Variants in PRKCA observed in about 807,000 individuals in gnomAD.
The protein encoded by PRKCA is protein kinase C alpha.
In PRKCA, 27 loss-of-function variants were observed where a neutral mutation model predicts 87.0. The observed-to-expected ratio is 0.31, with a 90% CI of 0.23 to 0.43. PRKCA has a LOEUF of 0.43. PRKCA is among the 20% of genes least tolerant of loss of function. The pLI, the probability that PRKCA is intolerant of heterozygous loss-of-function variation, is 1.00. For synonymous variants in PRKCA, 329 were observed against 311.1 expected (o/e 1.06, Z -0.61); for missense variants, 518 against 852.3 (o/e 0.61, Z 4.88).
chr17:66,612,112 G>A (rs1970384193), intron 3 of PRKCA, among the ~76,000 whole-genome samples: 1 of 151,482 alleles, frequency 6.6e-6, no homozygotes, highest in Admixed American at 6.6e-5. Flanking sequence ...CAGATTCAGT[G>A]GCTCATGCCT....
chr17:66,776,372 G>C (rs1199932667), intron 14 of PRKCA, among the ~76,000 whole-genome samples: 1 of 152,108 alleles, frequency 6.6e-6, no homozygotes, highest in African/African-American at 2.4e-5. Flanking sequence ...AGTCGGTGGC[G>C]CGATCTCAGC....
intron 10 of PRKCA, among the ~76,000 whole-genome samples, chr17:66,738,533 G>A (rs1974089924): frequency 6.6e-6 from 1 of 152,252 alleles, no homozygotes; most frequent in African/African-American, 2.4e-5. Context: ...TTGATGGAGA[G>A]CCATTATTTC....
At chr17:66,551,312 G>C (rs982339372) in intron 3 of PRKCA, among the ~76,000 whole-genome samples, 2 of 152,236 alleles carry the variant, frequency 1.3e-5, no homozygotes, top group Non-Finnish European at 2.9e-5. Flanking sequence ...TTGGTACCCA[G>C]CTGAGCAAGG....
chr17:66,441,094 G>A (rs186142865), intron 2 of PRKCA, among the ~76,000 whole-genome samples: 18 of 150,656 alleles, frequency 1.2e-4, no homozygotes, highest in South Asian at 4.2e-4. Context: ...CCCGGGAGAC[G>A]GATGTTGCAT....
At chr17:66,450,897 A>G (rs1261064553) in intron 2 of PRKCA, among the ~76,000 whole-genome samples, 1 of 152,196 alleles carries the variant, frequency 6.6e-6, no homozygotes, top group African/African-American at 2.4e-5. Context: ...TGAAAATAGC[A>G]CTGTTTGGAA....
At chr17:66,709,374 C>G (rs143829791) in intron 8 of PRKCA, among the ~76,000 whole-genome samples, 165 of 132,558 alleles carry the variant, frequency 1.2e-3, no homozygotes, top group Middle Eastern at 5.2e-3. Flanking sequence ...TGCAGTAACA[C>G]AGTCTCAGCT....
intron 13 of PRKCA, among the ~76,000 whole-genome samples, chr17:66,752,861 A>G (rs765945296): frequency 1.1e-4 from 16 of 152,144 alleles, no homozygotes; most frequent in Non-Finnish European, 1.8e-4. Context: ...GCTGAAGTCT[A>G]TACCTGGAAC....
chr17:66,303,763 G>C (rs2143087857), intron 1 of PRKCA, among the ~76,000 whole-genome samples: 1 of 152,264 alleles, frequency 6.6e-6, no homozygotes, highest in East Asian at 1.9e-4. Context: ...AGCACTTTGG[G>C]AGGCCGAGGC....
intron 13 of PRKCA, among the ~76,000 whole-genome samples, chr17:66,754,885 C>G (rs1040966286): frequency 2.0e-5 from 3 of 151,962 alleles, no homozygotes; most frequent in Non-Finnish European, 4.4e-5. Context: ...AGATCAGGGC[C>G]CCACCTTGAT....
intron 3 of PRKCA, among the ~76,000 whole-genome samples, chr17:66,620,084 A>T (rs935623428): frequency 7.2e-5 from 11 of 152,156 alleles, no homozygotes; most frequent in Non-Finnish European, 1.5e-4. Context: ...CTCCATACAG[A>T]ATGGGTCATG....
At chr17:66,798,453 CGGTGGTGGTGGTGGTGGT>C (rs1165425981) in intron 16 of PRKCA, among the ~76,000 whole-genome samples, 5 of 8,734 alleles carry the variant, frequency 5.7e-4, no homozygotes, top group Non-Finnish European at 7.3e-4. Context: ...GTGGTGGTGA[CGGTGGTGGTGGTGGTGGT>C]GGTGGTGGTG....
chr17:66,553,618 T>C (rs975116751), intron 3 of PRKCA, among the ~76,000 whole-genome samples: 6 of 152,208 alleles, frequency 3.9e-5, no homozygotes, highest in African/African-American at 1.4e-4. Context: ...CATTGCTGTT[T>C]TTCTTGGATC....
intron 3 of PRKCA, among the ~76,000 whole-genome samples, chr17:66,610,439 G>A (rs2143635962): frequency 6.6e-6 from 1 of 152,162 alleles, no homozygotes; most frequent in Non-Finnish European, 1.5e-5. Context: ...GGGAGCAGTA[G>A]AGCTAAAAGT....
chr17:66,715,972 G>A (rs1380781305), intron 8 of PRKCA, among the ~76,000 whole-genome samples: 1 of 152,178 alleles, frequency 6.6e-6, no homozygotes, highest in Admixed American at 6.5e-5. Context: ...ACTGTTGCCT[G>A]GATGTCTTTA....
At chr17:66,610,001 G>A (rs1970307711) in intron 3 of PRKCA, among the ~76,000 whole-genome samples, 1 of 151,858 alleles carries the variant, frequency 6.6e-6, no homozygotes, top group South Asian at 2.1e-4. Flanking sequence ...TTATCTACCT[G>A]GAGATAGCAT....
At chr17:66,673,549 A>G (rs1347652238) in intron 5 of PRKCA, among the ~76,000 whole-genome samples, 1 of 152,194 alleles carries the variant, frequency 6.6e-6, no homozygotes, top group Non-Finnish European at 1.5e-5. Context: ...AAATATCACA[A>G]AATTTAGGGG....
At chr17:66,595,801 G>C (rs893857853) in intron 3 of PRKCA, among the ~76,000 whole-genome samples, 1 of 152,162 alleles carries the variant, frequency 6.6e-6, no homozygotes, top group Non-Finnish European at 1.5e-5. Flanking sequence ...CCAGGGATTA[G>C]GACTTGGGCA....
rs543114835 is a variant in PRKCA at position 66,754,346 on chromosome 17, A to G, written c.1524+11586A>G. Among the ~76,000 whole-genome samples the G allele has an allele frequency of 7.9e-5, 12 of 152,198 alleles. No homozygotes were observed. The South Asian group carries it at 2.5e-3, about 32-fold the overall frequency. On this transcript the variant is annotated intron_variant, in intron 13 of 16. Transcript: ENST00000413366. ...TCTCAGATGTCTTTGTCCCATTCAC[A>G]GCTCCTTCTTACACAGAGCGGGCAC...
intron 3 of PRKCA, among the ~76,000 whole-genome samples, chr17:66,605,408 T>C (rs1356375642): frequency 6.6e-6 from 1 of 152,184 alleles, no homozygotes; most frequent in East Asian, 1.9e-4. Context: ...AAAATCACAA[T>C]GACATTCTTC....
Sources: gnomAD v4.1 joint callset for allele counts (sites outside exome capture counted in the v4.1 genomes callset) on GRCh38, gnomAD v4.1.1 for gene constraint, MANE v1.5 for transcripts, NCBI Gene and HGNC (gene_info 2026-07-23, HGNC 2026-07-21) for gene names.